Variants in ERCC8 observed in about 807,000 individuals in gnomAD.
The protein encoded by ERCC8 is DNA excision repair protein ERCC-8.
A neutral mutation model predicts 54.9 loss-of-function variants in ERCC8; 52 were observed. The ratio of observed to expected loss-of-function variants is 0.95; its 90% CI spans 0.76 to 1.19. The LOEUF is 1.19. ERCC8 is among the 50% of genes most tolerant of loss of function. The pLI, the probability that ERCC8 is intolerant of heterozygous loss-of-function variation, is 0.00. For missense variants in ERCC8, 514 were observed against 466.1 expected, an observed-to-expected ratio of 1.10 and a Z score of -0.95; for synonymous variants, 146 against 157.2, an observed-to-expected ratio of 0.93 and a Z score of 0.53.
At chr5:60,923,570 A>C (rs1749662870) in intron 2 of ERCC8, among the ~76,000 whole-genome samples, 3 of 152,112 alleles carry the variant, frequency 2.0e-5, no homozygotes, top group Admixed American at 1.3e-4. Flanking sequence ...TGCAAAATGG[A>C]GGATATTCTT....
intron 4 of ERCC8, among the ~76,000 whole-genome samples, chr5:60,910,644 T>C (rs571296434): frequency 3.0e-4 from 45 of 152,332 alleles, no homozygotes; most frequent in African/African-American, 1.1e-3. Flanking sequence ...TTTGATGCTA[T>C]GGTAAACAAT....
chr5:60,872,133 A>T lies in ERCC8; in HGVS notation c.*2482T>A, dbSNP rs1747875982. On this transcript the variant is annotated 3_prime_UTR_variant, in exon 12 of 12. Coordinates refer to ENST00000676185, the MANE Select transcript of ERCC8 (RefSeq NM_000082.4). Reference sequence around the variant, plus strand: ...ACTAGCTTTTTCAAAGGTCAAATGCATCCTCACCAAGGGGACAAGATTGAA... The same window carrying T: ...ACTAGCTTTTTCAAAGGTCAAATGCTTCCTCACCAAGGGGACAAGATTGAA... Among the ~76,000 whole-genome samples the T allele has an allele frequency of 6.6e-6, 1 of 152,162 alleles. No homozygotes were observed. The highest frequency in any genetic ancestry group is 1.5e-5 in the Non-Finnish European group (1 of 68,026).
intron 10 of ERCC8, 125 bp from the exon 11 acceptor site, chr5:60,887,645 G>A: frequency 1.4e-6 from 1 of 740,146 alleles, no homozygotes; most frequent in Admixed American, 2.1e-5. Context: ...ACTCCCTAAA[G>A]AAACTAGGCC....
chr5:60,887,486 A>G lies in ERCC8; in HGVS notation c.1076T>C (p.Leu359Pro), dbSNP rs1748430098. The G allele has an allele frequency of 6.2e-7, 1 of 1,614,090 alleles. No individual in the cohort carries two copies. Among genetic ancestry groups the G allele is most frequent in the South Asian group, 1.1e-5 (1 of 91,082 alleles). The change falls in exon 11 of 12, where the codon CTG becomes CCG. Residue 359 changes from leucine (L) to proline (P), a missense_variant. By Grantham distance (98) the Leu-to-Pro change is moderately conservative. Transcript: ENST00000676185. Reference protein sequence around the residue: ...LYSGSRDCNILAWVPSLYEPV... With the variant: ...LYSGSRDCNIPAWVPSLYEPV... ...TTCATATAAGGATGGAACCCAAGCCAGAATGTTGCAGTCTCTGCTACCACT... is the reference window on the plus strand; with the variant it reads ...TTCATATAAGGATGGAACCCAAGCCGGAATGTTGCAGTCTCTGCTACCACT...
At chr5:60,938,085 A>ATATAT (rs1750140987) in intron 1 of ERCC8, among the ~76,000 whole-genome samples, 6 of 18,680 alleles carry the variant, frequency 3.2e-4, no homozygotes, top group African/African-American at 9.9e-4. Flanking sequence ...ATATATATAT[A>ATATAT]TTTTATTTTT....
intron 4 of ERCC8, among the ~76,000 whole-genome samples, chr5:60,910,216 T>A (rs1336339242): frequency 6.6e-6 from 1 of 152,160 alleles, no homozygotes; most frequent in Non-Finnish European, 1.5e-5. Flanking sequence ...ACGGGTACAT[T>A]TCTTGATTAT....
Position 60,872,561 on chromosome 5 carries a change from G to C in ERCC8, c.*2054C>G, listed in dbSNP as rs1747885185. Among the ~76,000 whole-genome samples, 1 of 151,994 alleles carries C rather than the reference G, an allele frequency of 6.6e-6. No homozygotes were observed. Among genetic ancestry groups the C allele is most frequent in the Non-Finnish European group, 1.5e-5 (1 of 67,986 alleles). ...AATTATCAACATCAGCAGTCACCAG[G>C]GAAATGCAAATTAAAACAACGAGAT... On this transcript the variant is annotated 3_prime_UTR_variant, in exon 12 of 12. Coordinates refer to ENST00000676185, the MANE Select transcript of ERCC8 (RefSeq NM_000082.4).
chr5:60,893,650 A>G, intron 9 of ERCC8: 1 of 560,200 alleles, frequency 1.8e-6, no homozygotes, highest in African/African-American at 1.9e-5. Flanking sequence ...GGATCTGAGA[A>G]GAGAGAGTAA....
intron 2 of ERCC8, among the ~76,000 whole-genome samples, chr5:60,928,148 G>A (rs1749806392): frequency 6.6e-6 from 1 of 152,200 alleles, no homozygotes; most frequent in African/African-American, 2.4e-5. Context: ...GGTCTTTTAA[G>A]AGTAATGCAG....
chr5:60,892,668 G>C lies in ERCC8; in HGVS notation c.844-1582C>G, dbSNP rs111675358. The C allele has an allele frequency of 8.4e-4, 552 of 660,538 alleles. 11 individuals are homozygous for C. The African/African-American group carries it at 8.7e-3, about 10-fold the overall frequency. 40.9% of individuals were successfully genotyped at this position (660,538 alleles called of 1,614,324 possible). On this transcript the variant is annotated intron_variant, in intron 9 of 11. Transcript: ENST00000676185. Reference sequence around the variant, plus strand: ...GCAGCACTGCAAGATGGTCTCCACTGGGGTCATGGGGTCTGCCAGTCTCTA... The same window carrying C: ...GCAGCACTGCAAGATGGTCTCCACTCGGGTCATGGGGTCTGCCAGTCTCTA...
chr5:60,897,751 C>G (rs974150428), intron 9 of ERCC8, among the ~76,000 whole-genome samples: 9 of 152,080 alleles, frequency 5.9e-5, no homozygotes, highest in African/African-American at 2.2e-4. Flanking sequence ...TTAAGTATCC[C>G]CATCCAAAAT....
intron 1 of ERCC8, among the ~76,000 whole-genome samples, chr5:60,938,349 AATTT>A (rs1452953182): frequency 6.4e-5 from 7 of 108,752 alleles, no homozygotes; most frequent in South Asian, 2.8e-4. Context: ...TACCTTTTTG[AATTT>A]TTTTTTTTTT....
rs959156200 is a variant in ERCC8 at position 60,903,691 on chromosome 5, T to C, written c.507A>G (p.Gln169=). The C allele has an allele frequency of 3.7e-6, 6 of 1,612,724 alleles. No homozygotes were observed. In the African/African-American group the frequency reaches 8.0e-5, roughly 22 times the overall value. Residue 169 remains glutamine (Q), a synonymous_variant, in exon 6 of 12, where the codon CAA becomes CAG. Coordinates refer to ENST00000676185, the MANE Select transcript of ERCC8 (RefSeq NM_000082.4). ...AGGATCCAGACTTCAAGTCACAAAG[T>C]TGTACTTTGGGTCCTCTAGTACCAA... is the stretch of plus-strand genomic sequence containing the variant. ...VAVGTRGPKV[Q]LCDLKSGSCS... is the part of the protein sequence containing the mutation.
rs995335493 is a variant in ERCC8 at position 60,869,797 on chromosome 5, A to C, written c.*4818T>G. On this transcript the variant is annotated 3_prime_UTR_variant, in exon 12 of 12. Coordinates refer to ENST00000676185, the MANE Select transcript of ERCC8 (RefSeq NM_000082.4). The stretch of plus-strand genomic sequence containing the variant: ...CTAGGCATTTCATAGGTGTACCATA[A>C]TGACTAGTTAAAAATGGAATCAAAG... 6.6e-6 allele frequency among the ~76,000 whole-genome samples: 1 copy of C among 151,398 alleles called. No individual in the cohort carries two copies. Among genetic ancestry groups the C allele is most frequent in the South Asian group, 2.1e-4 (1 of 4,822 alleles).
At chr5:60,893,151 C>T in intron 9 of ERCC8, 1 of 877,972 alleles carries the variant, frequency 1.1e-6, no homozygotes, top group Non-Finnish European at 1.9e-6. Flanking sequence ...GAAGCAGCAG[C>T]AGCAGCCTAA....
intron 6 of ERCC8, 30 bp downstream of exon 6, chr5:60,903,618 T>C (rs1748964798): frequency 1.2e-6 from 2 of 1,611,688 alleles, no homozygotes; most frequent in South Asian, 2.2e-5. Flanking sequence ...TTACTCAAAG[T>C]AGTTGCCGTT....
chr5:60,941,396 C>T (rs555873063), intron 1 of ERCC8, among the ~76,000 whole-genome samples: 9 of 151,804 alleles, frequency 5.9e-5, no homozygotes, highest in South Asian at 2.1e-4. Context: ...GAAAAAAGAT[C>T]GAAGGGAAAA....
At chr5:60,911,388 T>C (rs1227706091) in intron 4 of ERCC8, among the ~76,000 whole-genome samples, 5 of 152,162 alleles carry the variant, frequency 3.3e-5, no homozygotes, top group Admixed American at 6.5e-5. Context: ...GCTGCATAAA[T>C]GTCTTCTTTG....
At chr5:60,923,295 A>G (rs1749653895) in intron 2 of ERCC8, among the ~76,000 whole-genome samples, 1 of 152,190 alleles carries the variant, frequency 6.6e-6, no homozygotes, top group Non-Finnish European at 1.5e-5. Context: ...CATTGATTGA[A>G]CTTAATAATT....
Sources: allele counts gnomAD v4.1 joint callset (sites outside exome capture counted in the v4.1 genomes callset), GRCh38; gene constraint gnomAD v4.1.1; transcripts MANE v1.5; gene names NCBI Gene and HGNC (gene_info 2026-07-23, HGNC 2026-07-21).